The following ZYG11A variants were observed in gnomAD, a reference collection of about 807,000 sequenced individuals.
The protein encoded by ZYG11A is zyg-11 family member A, cell cycle regulator, also known as protein zyg-11 homolog A.
A neutral mutation model predicts 77.2 loss-of-function variants in ZYG11A; 62 were observed. The observed-to-expected ratio is 0.80, with a 90% CI of 0.65 to 0.99. The LOEUF is 0.99. ZYG11A is among the 50% of genes least tolerant of loss of function. The pLI, the probability that ZYG11A is intolerant of heterozygous loss-of-function variation, is 0.00. For missense variants in ZYG11A, 828 were observed against 896.8 expected (o/e 0.92, Z 0.98); for synonymous variants, 315 against 324.6 (o/e 0.97, Z 0.32).
chr1:52,870,234 G>C (rs533319942), intron 8 of ZYG11A, among the ~76,000 whole-genome samples: 1 of 138,852 alleles, frequency 7.2e-6, no homozygotes, highest in East Asian at 2.0e-4. Flanking sequence ...GATGGCGGCC[G>C]GGCAGAGACG....
chr1:52,853,101 G>C (rs990324604), intron 1 of ZYG11A, among the ~76,000 whole-genome samples: 2 of 152,218 alleles, frequency 1.3e-5, no homozygotes, highest in African/African-American at 4.8e-5. Context: ...TGGTTTAGCA[G>C]GCATAGTGTT....
intron 1 of ZYG11A, among the ~76,000 whole-genome samples, chr1:52,850,697 G>C (rs530428564): frequency 2.6e-5 from 4 of 152,198 alleles, no homozygotes; most frequent in African/African-American, 9.6e-5. Context: ...CTTGTGATCT[G>C]CCCGCCTCGG....
chr1:52,848,468 T>C (rs1251704102), intron 1 of ZYG11A, among the ~76,000 whole-genome samples: 1 of 152,186 alleles, frequency 6.6e-6, no homozygotes, highest in East Asian at 1.9e-4. Context: ...ATCAGTGGGT[T>C]TATATCTTGC....
Position 52,864,023 on chromosome 1 carries a change from G to A in ZYG11A, c.1192G>A (p.Val398Met), listed in dbSNP as rs1645975476. 2 of 1,551,714 alleles carry A rather than the reference G, an allele frequency of 1.3e-6. No individual in the cohort carries two copies. The highest frequency in any genetic ancestry group is 1.7e-6 in the Non-Finnish European group (2 of 1,147,002). The change falls in exon 5 of 14, where the codon GTG becomes ATG. Residue 398 changes from valine to methionine, a missense_variant. Coordinates refer to ENST00000371528, the MANE Select transcript of ZYG11A (RefSeq NM_001004339.3). ...GMRNHPLDLR[V>M]QFTASACALN... ...GAGGAATCACCCATTGGATTTGCGA[G>A]TGCAGTTCACAGCCAGTGCTTGCGC...
At position 52,867,658 on chromosome 1, in the gene ZYG11A, C is replaced by T. The variant is rs114247860; in HGVS notation, c.1491+20C>T. ...CTGCAGGTTTGTGATTTCTTAAAGG[C>T]AAGATGTCTATCTCTCTAGTTTTTA... On this transcript the variant is annotated intron_variant, in intron 7 of 13. Transcript: ENST00000371528. 1 of 1,549,484 alleles carries T rather than the reference C, an allele frequency of 6.5e-7. No individual in the cohort carries two copies. Among genetic ancestry groups the T allele is most frequent in the Non-Finnish European group, 8.7e-7 (1 of 1,144,800 alleles).
rs775505062 is a variant in ZYG11A at position 52,857,449 on chromosome 1, C to T, written c.708C>T (p.His236=). The T allele has an allele frequency of 1.6e-5, 25 of 1,552,068 alleles. No homozygotes were observed. The highest frequency in any genetic ancestry group is 2.2e-5 in the Non-Finnish European group (25 of 1,147,112). The change falls in exon 3 of 14, where the codon CAC becomes CAT. Residue 236 remains histidine (H), a synonymous_variant. Transcript: ENST00000371528. ...ATCGATTGAAGTCTCTCACAATGCACTATCTGAAATGCCTGGCCATGACCA... is the reference window on the plus strand; with the variant it reads ...ATCGATTGAAGTCTCTCACAATGCATTATCTGAAATGCCTGGCCATGACCA... ...CKDRLKSLTM[H]YLKCLAMTKS...
rs938641377 is a variant in ZYG11A at position 52,881,648 on chromosome 1, A to G, written c.1927A>G (p.Thr643Ala). The change falls in exon 11 of 14, where the codon ACT (threonine) becomes GCT (alanine). Residue 643 changes from threonine (T) to alanine (A), a missense_variant. Coordinates refer to ENST00000371528, the MANE Select transcript of ZYG11A (RefSeq NM_001004339.3). ...LWISRDFQRR[T>A]LLQDLHATIQ... The stretch of plus-strand genomic sequence containing the variant: ...GATATCCCGTGACTTCCAGAGGCGT[A>G]CTCTTCTCCAAGATCTGGTACAGGA... 3 of 1,551,334 alleles carry G rather than the reference A, an allele frequency of 1.9e-6. No homozygotes were observed. Among genetic ancestry groups the G allele is most frequent in the Non-Finnish European group, 2.6e-6 (3 of 1,146,738 alleles).
At chr1:52,888,379 C>T (rs191576528) in intron 13 of ZYG11A, among the ~76,000 whole-genome samples, 20 of 152,200 alleles carry the variant, frequency 1.3e-4, no homozygotes, top group South Asian at 2.1e-4. Context: ...TTTTCTGAGA[C>T]GGAGTTTCAC....
intron 8 of ZYG11A, among the ~76,000 whole-genome samples, chr1:52,874,575 A>G (rs1294447738): frequency 6.6e-6 from 1 of 152,166 alleles, no homozygotes; most frequent in Admixed American, 6.5e-5. Flanking sequence ...AAATTAAAGT[A>G]TCTACATTGG....
chr1:52,890,646 G>A (rs932322509), intron 13 of ZYG11A, among the ~76,000 whole-genome samples: 8 of 151,468 alleles, frequency 5.3e-5, no homozygotes, highest in Non-Finnish European at 5.9e-5. Flanking sequence ...TCACTCTGTC[G>A]CCCAGGCTGG....
At chr1:52,871,212 GTTCATTGCAGC>G (rs1486677060) in intron 8 of ZYG11A, among the ~76,000 whole-genome samples, 1 of 152,144 alleles carries the variant, frequency 6.6e-6, no homozygotes, top group Non-Finnish European at 1.5e-5. Flanking sequence ...CATGATCATG[GTTCATTGCAGC>G]TTCATCTTCC....
chr1:52,852,661 G>A (rs561383246), intron 1 of ZYG11A, among the ~76,000 whole-genome samples: 7 of 152,194 alleles, frequency 4.6e-5, no homozygotes, highest in South Asian at 2.1e-4. Context: ...CTTGGCCAGC[G>A]TTTCTATTTT....
intron 13 of ZYG11A, 134 bp downstream of exon 13, chr1:52,887,187 A>C (rs1646467778): frequency 2.5e-6 from 1 of 400,400 alleles, no homozygotes; most frequent in Non-Finnish European, 4.5e-6. Context: ...AAAGAAACTG[A>C]AAAAAGATAT....
Position 52,866,518 on chromosome 1 carries a change from C to G in ZYG11A, c.1342C>G (p.Leu448Val). ...TCTCTAAAAGTTACAGAAGAATTGT[C>G]TTCTCTCCTTAACCAATTCCAGGAT... ...PHYQQLQKNC[L>V]LSLTNSRILV... The change falls in exon 6 of 14, where the codon CTT (leucine) becomes GTT (valine). Residue 448 changes from leucine (L) to valine (V), a missense_variant. Coordinates refer to ENST00000371528, the MANE Select transcript of ZYG11A (RefSeq NM_001004339.3). The G allele has an allele frequency of 6.5e-7, 1 of 1,529,886 alleles. No homozygotes were observed. Among genetic ancestry groups the G allele is most frequent in the Non-Finnish European group, 8.9e-7 (1 of 1,127,930 alleles). 94.8% of individuals were successfully genotyped at this position (1,529,886 alleles called of 1,614,324 possible).
intron 5 of ZYG11A, among the ~76,000 whole-genome samples, chr1:52,865,846 TAGA>T (rs1394348332): frequency 6.6e-6 from 1 of 151,766 alleles, no homozygotes; most frequent in Non-Finnish European, 1.5e-5. Flanking sequence ...CTGGGGGTGA[TAGA>T]AGTATTATAT....
chr1:52,848,338 C>G (rs925229662), intron 1 of ZYG11A, among the ~76,000 whole-genome samples: 3 of 152,134 alleles, frequency 2.0e-5, no homozygotes, highest in Admixed American at 6.6e-5. Flanking sequence ...AGTGATCATA[C>G]CTTTTTTTTC....
At chr1:52,885,155 C>T (rs1646427033) in intron 11 of ZYG11A, among the ~76,000 whole-genome samples, 1 of 152,122 alleles carries the variant, frequency 6.6e-6, no homozygotes, top group African/African-American at 2.4e-5. Flanking sequence ...GGTGATCTAC[C>T]CGCCTTGGCC....
intron 2 of ZYG11A, among the ~76,000 whole-genome samples, chr1:52,854,930 C>T (rs767435788): frequency 6.6e-6 from 1 of 151,752 alleles, no homozygotes; most frequent in South Asian, 2.1e-4. Context: ...TGTAGTGGCA[C>T]AATCTTTGCT....
intron 6 of ZYG11A, 150 bp downstream of exon 6, chr1:52,866,717 T>C (rs1646033382): frequency 1.9e-6 from 1 of 528,866 alleles, no homozygotes; most frequent in African/African-American, 1.9e-5. Context: ...TACTAGAAAA[T>C]GTTGTCTCCT....
Sources: gnomAD v4.1 joint callset for allele counts (sites outside exome capture counted in the v4.1 genomes callset) on GRCh38, gnomAD v4.1.1 for gene constraint, MANE v1.5 for transcripts, NCBI Gene and HGNC (gene_info 2026-07-23, HGNC 2026-07-21) for gene names.